NGEF: variants seen among roughly 807,000 people sequenced by gnomAD.
The protein encoded by NGEF is ephexin-1.
A neutral mutation model predicts 80.9 loss-of-function variants in NGEF; 31 were observed. That is an observed-to-expected ratio of 0.38 (90% CI 0.29 to 0.52). The LOEUF (loss-of-function observed/expected upper bound fraction) is 0.52, where lower values mean the gene tolerates loss of function less well. Ranked by LOEUF, NGEF falls within the 20% of genes least tolerant of loss-of-function variation. The pLI is 0.84. For synonymous variants in NGEF, 371 were observed against 370.2 expected (o/e 1.00, Z -0.03); for missense variants, 709 against 926.2 (o/e 0.77, Z 3.04).
At chr2:233,001,458 G>A (rs1694976553) in intron 1 of NGEF, among the ~76,000 whole-genome samples, 1 of 152,210 alleles carries the variant, frequency 6.6e-6, no homozygotes, top group Non-Finnish European at 1.5e-5. Flanking sequence ...GTTTCCTGAG[G>A]ATGTGAGCCC....
At chr2:232,900,198 A>T (rs1210439121) in intron 5 of NGEF, among the ~76,000 whole-genome samples, 1 of 128,664 alleles carries the variant, frequency 7.8e-6, no homozygotes, top group Non-Finnish European at 1.6e-5. Context: ...ACACGCTCTC[A>T]CAGTCACTCA....
intron 4 of NGEF, among the ~76,000 whole-genome samples, chr2:232,925,223 C>T (rs1045599591): frequency 6.6e-6 from 1 of 152,238 alleles, no homozygotes; most frequent in African/African-American, 2.4e-5. Context: ...AAGCTGCCAT[C>T]CTTTCCTAAC....
intron 7 of NGEF, 47 bp from the exon 8 acceptor site, chr2:232,891,534 T>C (rs1691884732): frequency 3.2e-6 from 5 of 1,578,476 alleles, no homozygotes; most frequent in Non-Finnish European, 4.3e-6. Flanking sequence ...GCAGGAGGCA[T>C]GAACTGGAGA....
At chr2:232,951,823 C>T (rs1291008589) in intron 3 of NGEF, among the ~76,000 whole-genome samples, 1 of 152,154 alleles carries the variant, frequency 6.6e-6, no homozygotes, top group African/African-American at 2.4e-5. Context: ...TGCAGAATGA[C>T]ATGCTCAATG....
At position 232,995,584 on chromosome 2, in the gene NGEF, A is replaced by AGTATGTATAC. The variant is rs1559240831; in HGVS notation, c.-75+17474_-75+17483dup. 1.6e-3 allele frequency among the ~76,000 whole-genome samples: 182 copies of AGTATGTATAC among 116,732 alleles called. 50 individuals are homozygous for AGTATGTATAC. Among genetic ancestry groups the AGTATGTATAC allele is most frequent in the African/African-American group, 0.011 (169 of 15,090 alleles). The allele number at this position is 116,732 out of a possible 152,430, so 76.6% of individuals were successfully genotyped here. A position where few individuals can be genotyped will look rare whatever the true frequency, so the allele number is the denominator to read the frequency against. ...GTATGTATACTGTATATATATATACAGTATGTATACTGTATATATATACAG... is the reference window on the plus strand; with the variant it reads ...GTATGTATACTGTATATATATATACAGTATGTATACGTATGTATACTGTATATATATACAG... On this transcript the variant is annotated intron_variant, in intron 1 of 14. Transcript: ENST00000264051.
At chr2:232,961,871 CAAGTGCAAGCTG>C (rs1693960132) in intron 3 of NGEF, among the ~76,000 whole-genome samples, 1 of 152,154 alleles carries the variant, frequency 6.6e-6, no homozygotes, top group Non-Finnish European at 1.5e-5. Flanking sequence ...CCATTTATGT[CAAGTGCAAGCTG>C]AAAAGCAGAG....
intron 3 of NGEF, among the ~76,000 whole-genome samples, chr2:232,950,466 C>G (rs1244572401): frequency 6.6e-6 from 1 of 151,948 alleles, no homozygotes; most frequent in Non-Finnish European, 1.5e-5. Context: ...AATCCCAACC[C>G]CCCTTTGCCC....
At chr2:233,005,027 T>C (rs1695057589) in intron 1 of NGEF, among the ~76,000 whole-genome samples, 1 of 152,136 alleles carries the variant, frequency 6.6e-6, no homozygotes, top group Non-Finnish European at 1.5e-5. Flanking sequence ...CGGACCACCT[T>C]TCTCTACTCC....
intron 3 of NGEF, 118 bp from the exon 4 acceptor site, chr2:232,927,304 G>C: frequency 8.9e-7 from 1 of 1,123,598 alleles, no homozygotes; most frequent in Non-Finnish European, 1.2e-6. Context: ...ACCCGGGACC[G>C]TCCAGGGGCA....
intron 5 of NGEF, among the ~76,000 whole-genome samples, chr2:232,904,868 A>G (rs547880928): frequency 6.6e-6 from 1 of 152,288 alleles, no homozygotes; most frequent in South Asian, 2.1e-4. Context: ...GCTTGAGCCC[A>G]GGAGTTCAAG....
rs1206316905 is a variant in NGEF at position 232,892,181 on chromosome 2, A to G, written c.1143-694T>C. On this transcript the variant is annotated intron_variant, in intron 7 of 14. Coordinates refer to ENST00000264051, the MANE Select transcript of NGEF (RefSeq NM_019850.3). This position sits in a 1 kb window ranked among gnomAD's most constrained non-coding sequence, Gnocchi z 4.0. The stretch of plus-strand genomic sequence containing the variant: ...TTCCCTCCAATTCCAATTTTCCTTC[A>G]CCAACTGTTAAAACATCCAAATGCC... Among the ~76,000 whole-genome samples the G allele has an allele frequency of 1.3e-5, 2 of 151,782 alleles. No homozygotes were observed. The highest frequency in any genetic ancestry group is 4.8e-5 in the African/African-American group (2 of 41,256).
chr2:232,884,353 T>G (rs1445381636), intron 10 of NGEF, among the ~76,000 whole-genome samples: 1 of 152,164 alleles, frequency 6.6e-6, no homozygotes, highest in Non-Finnish European at 1.5e-5. Context: ...CCTGTGGGCA[T>G]GAGTGTGCTA....
intron 5 of NGEF, among the ~76,000 whole-genome samples, chr2:232,910,013 A>G (rs1692658878): frequency 6.6e-6 from 1 of 152,174 alleles, no homozygotes; most frequent in East Asian, 1.9e-4. Context: ...TTATCTGTTG[A>G]AGGACCTTTG....
chr2:232,920,893 C>G (rs2106276855), intron 4 of NGEF, among the ~76,000 whole-genome samples: 1 of 152,270 alleles, frequency 6.6e-6, no homozygotes, highest in South Asian at 2.1e-4. Context: ...AACCTAGAAC[C>G]TGATGCACCC....
intron 14 of NGEF, among the ~76,000 whole-genome samples, chr2:232,880,703 G>A (rs1477536826): frequency 6.6e-6 from 1 of 152,216 alleles, no homozygotes; most frequent in Non-Finnish European, 1.5e-5. Flanking sequence ...CAGGAGCTGG[G>A]GGCGGCTTCT....
intron 13 of NGEF, 140 bp from the exon 14 acceptor site, chr2:232,881,390 G>T: frequency 4.6e-6 from 3 of 645,644 alleles, no homozygotes; most frequent in Non-Finnish European, 8.1e-6. Context: ...GGAAGAGGAG[G>T]ATTTGTTTCC....
intron 1 of NGEF, among the ~76,000 whole-genome samples, chr2:233,010,456 C>T (rs1171778623): frequency 6.6e-6 from 1 of 152,214 alleles, no homozygotes; most frequent in Non-Finnish European, 1.5e-5. Context: ...CCTGGAAAAT[C>T]ATTAATAAGT....
At chr2:232,943,597 G>A (rs1042862194) in intron 3 of NGEF, among the ~76,000 whole-genome samples, 7 of 150,452 alleles carry the variant, frequency 4.7e-5, no homozygotes, top group Admixed American at 4.0e-4. Context: ...CCGGGTTCAC[G>A]CCATTCTCCT....
intron 1 of NGEF, among the ~76,000 whole-genome samples, chr2:232,984,258 A>ATTT (rs11429177): frequency 2.1e-5 from 3 of 145,330 alleles, no homozygotes; most frequent in Non-Finnish European, 3.0e-5. Context: ...TTAATTTTCA[A>ATTT]TTTTTTTTTT....
Sources: allele counts gnomAD v4.1 joint callset (sites outside exome capture counted in the v4.1 genomes callset), GRCh38; gene constraint gnomAD v4.1.1; non-coding constraint Gnocchi (gnomAD v3.1); transcripts MANE v1.5; gene names NCBI Gene and HGNC (gene_info 2026-07-23, HGNC 2026-07-21).